Variants in PRRC2B observed in about 807,000 individuals in gnomAD.
PRRC2B encodes proline rich coiled-coil 2B, also known as protein PRRC2B.
In PRRC2B, 68 loss-of-function variants were observed where a neutral mutation model predicts 242.3. The observed-to-expected ratio is 0.28, with a 90% CI of 0.23 to 0.34. The LOEUF is 0.34. Among genes scored for constraint, PRRC2B ranks in the 10% least tolerant of loss-of-function variants. The pLI, the probability that PRRC2B is intolerant of heterozygous loss-of-function variation, is 1.00. For synonymous variants in PRRC2B, 1,228 were observed against 1,173.6 expected (o/e 1.05, Z -0.95); for missense variants, 2,835 against 2,954.8 (o/e 0.96, Z 0.94).
At chr9:131,465,764 C>CTG (rs1943379202) in intron 12 of PRRC2B, among the ~76,000 whole-genome samples, 1 of 152,068 alleles carries the variant, frequency 6.6e-6, no homozygotes, top group Non-Finnish European at 1.5e-5. Flanking sequence ...GAGTCTCTTT[C>CTG]TGTCACCCAG....
intron 29 of PRRC2B, 36 bp downstream of exon 29, chr9:131,491,616 G>T: frequency 6.4e-7 from 1 of 1,553,854 alleles, no homozygotes; most frequent in East Asian, 2.3e-5. Flanking sequence ...CCCTAGGGAG[G>T]GGGCCTTGTG....
chr9:131,383,135 C>G (rs146091756), intron 1 of PRRC2B, among the ~76,000 whole-genome samples: 1 of 152,316 alleles, frequency 6.6e-6, no homozygotes, highest in East Asian at 1.9e-4. Context: ...CCTTTAAGGC[C>G]TGGCCTCAAA....
At chr9:131,493,429 C>T (rs898093036) in intron 30 of PRRC2B, among the ~76,000 whole-genome samples, 8 of 152,366 alleles carry the variant, frequency 5.3e-5, no homozygotes, top group South Asian at 4.1e-4. Context: ...TCTCAGCAGA[C>T]GCTGTCCCGC....
intron 1 of PRRC2B, among the ~76,000 whole-genome samples, chr9:131,378,737 T>C (rs1378016761): frequency 6.6e-6 from 1 of 152,168 alleles, no homozygotes; most frequent in Non-Finnish European, 1.5e-5. Flanking sequence ...TTTTTTTAAT[T>C]GAGATACAGT....
chr9:131,440,236 A>G (rs1486194699), intron 5 of PRRC2B, among the ~76,000 whole-genome samples: 1 of 152,178 alleles, frequency 6.6e-6, no homozygotes, highest in Non-Finnish European at 1.5e-5. Flanking sequence ...TGCTTTATGA[A>G]GAGCATTCAC....
rs150028710 is a variant in PRRC2B, at chr9:131,447,600, G to T, written c.978-62G>T. On this transcript the variant is annotated intron_variant, in intron 8 of 31. Coordinates refer to ENST00000683519, the MANE Select transcript of PRRC2B (RefSeq NM_013318.4). ...GCAGTGTGGAATTTATTTTTGGAAA[G>T]GTATTTGATTTTGCTTCCGTCTGTA... 4.3e-4 allele frequency: 612 copies of T among 1,413,422 alleles called. 12 individuals are homozygous for T. The East Asian group carries it at 0.015, about 34-fold the overall frequency. The allele number at this position is 1,413,422 out of a possible 1,614,324, so 87.6% of individuals were successfully genotyped here. A position where few individuals can be genotyped will look rare whatever the true frequency, so the allele number is the denominator to read the frequency against.
At chr9:131,435,964 T>C (rs1271216591) in intron 3 of PRRC2B, among the ~76,000 whole-genome samples, 1 of 152,228 alleles carries the variant, frequency 6.6e-6, no homozygotes, top group East Asian at 1.9e-4. Context: ...TGTTCTGTGT[T>C]ACCTAGTTTT....
At chr9:131,484,855 GAGGA>G in intron 24 of PRRC2B, 65 bp downstream of exon 24, 2 of 1,563,124 alleles carry the variant, frequency 1.3e-6, no homozygotes, top group Non-Finnish European at 1.7e-6. Flanking sequence ...AGGCAGAAGG[GAGGA>G]GTCCCCGAAC....
intron 6 of PRRC2B, 89 bp downstream of exon 6, chr9:131,444,417 C>A: frequency 7.1e-7 from 1 of 1,410,232 alleles, no homozygotes. Context: ...GCTGATGCCA[C>A]TGGGGTCTCC....
In PRRC2B at chr9:131,475,140, A is replaced by C. The variant is rs1000238293; in HGVS notation, c.3011A>C (p.Glu1004Ala). The change falls in exon 16 of 32, where the codon GAG becomes GCG. Residue 1004 changes from glutamate (E) to alanine (A), a missense_variant. Glu to Ala is a moderately radical substitution (Grantham distance 107). This residue lies in a region of PRRC2B where 1,536 missense variants were observed against 1,483.1 expected (regional missense o/e 1.04). Transcript: ENST00000683519. ...GCCAACTCCTCCACCACCACTTTGG[A>C]GGACAAAGGCCCTGGCCATGCCACT... Reference protein sequence around the residue: ...SLANSSTTTLEDKGPGHATFG... With the variant: ...SLANSSTTTLADKGPGHATFG... 10 of 1,612,964 alleles carry C rather than the reference A, an allele frequency of 6.2e-6. No homozygotes were observed. Among genetic ancestry groups the C allele is most frequent in the East Asian group, 2.2e-5 (1 of 44,852 alleles).
At chr9:131,445,648 G>A (rs537353829) in intron 6 of PRRC2B, among the ~76,000 whole-genome samples, 23 of 152,264 alleles carry the variant, frequency 1.5e-4, no homozygotes, top group Non-Finnish European at 3.1e-4. Context: ...ACAGCAAAGG[G>A]GTTGAAGAGC....
intron 1 of PRRC2B, among the ~76,000 whole-genome samples, chr9:131,398,362 G>A (rs577069842): frequency 1.3e-5 from 2 of 152,354 alleles, no homozygotes; most frequent in South Asian, 4.1e-4. Flanking sequence ...CTTCGTCCGA[G>A]CTGAAGTGCA....
At chr9:131,406,831 A>C (rs942853466) in intron 1 of PRRC2B, among the ~76,000 whole-genome samples, 10 of 152,074 alleles carry the variant, frequency 6.6e-5, no homozygotes, top group African/African-American at 2.2e-4. Context: ...TACAAACATC[A>C]AGCTCCAGAA....
chr9:131,395,269 AT>A lies in PRRC2B; in HGVS notation c.-52+1016del, dbSNP rs1013319513. On this transcript the variant is annotated intron_variant, in intron 1 of 31. Transcript: ENST00000683519. ...ACAGGACTGTTAAACTTTCCCTAAG[AT>A]TTTTTTTTTCTTTAAGGTTTAGTGT... is the stretch of plus-strand genomic sequence containing the variant. Among the ~76,000 whole-genome samples, 7 of 149,344 alleles carry A rather than the reference AT, an allele frequency of 4.7e-5. No homozygotes were observed. In the East Asian group the frequency reaches 5.9e-4, roughly 13 times the overall value.
At chr9:131,417,799 C>T (rs1327766415) in intron 1 of PRRC2B, among the ~76,000 whole-genome samples, 1 of 152,116 alleles carries the variant, frequency 6.6e-6, no homozygotes, top group East Asian at 1.9e-4. Flanking sequence ...GATGTGTGTG[C>T]GTGGAGATGC....
intron 23 of PRRC2B, 34 bp from the exon 24 acceptor site, chr9:131,484,652 T>C: frequency 6.5e-7 from 1 of 1,546,806 alleles, no homozygotes; most frequent in Non-Finnish European, 8.8e-7. Flanking sequence ...CTGCACCTGT[T>C]TGTGTTCCAT....
At chr9:131,422,475 G>C (rs1221155126) in intron 1 of PRRC2B, among the ~76,000 whole-genome samples, 1 of 152,190 alleles carries the variant, frequency 6.6e-6, no homozygotes, top group South Asian at 2.1e-4. Context: ...GGCTTAGCAG[G>C]GTGCCTGGCC....
At position 131,476,320 on chromosome 9, in the gene PRRC2B, C is replaced by T. The variant is rs774931092; in HGVS notation, c.4191C>T (p.Pro1397=). The change falls in exon 16 of 32, where the codon CCC becomes CCT. Residue 1397 remains proline, a synonymous_variant. Coordinates refer to ENST00000683519, the MANE Select transcript of PRRC2B (RefSeq NM_013318.4). ...GGCGGGAAGGCCCTGGGTCCGAGCC[C>T]GACTCCCAGGTGGATGGTGGCCTGT... The part of the protein sequence containing the change: ...RERREGPGSE[P]DSQVDGGLSG... The T allele has an allele frequency of 3.5e-5, 55 of 1,580,062 alleles. No individual in the cohort carries two copies. Among genetic ancestry groups the T allele is most frequent in the South Asian group, 4.6e-5 (4 of 87,158 alleles).
rs192163878 is a variant in PRRC2B at position 131,436,881 on chromosome 9, T to C, written c.396+159T>C. Among the ~76,000 whole-genome samples, 13 of 152,240 alleles carry C rather than the reference T, an allele frequency of 8.5e-5. No individual in the cohort carries two copies. The East Asian group carries it at 1.2e-3, about 14-fold the overall frequency. Reference sequence around the variant, plus strand: ...GATGAGTGACTTTAGAAAACCGTCATGGGAAACCGTCAAGGTCAGTGGTTA... The same window carrying C: ...GATGAGTGACTTTAGAAAACCGTCACGGGAAACCGTCAAGGTCAGTGGTTA... On this transcript the variant is annotated intron_variant, in intron 4 of 31. Transcript: ENST00000683519.
Sources: allele counts gnomAD v4.1 joint callset (sites outside exome capture counted in the v4.1 genomes callset), GRCh38; gene constraint gnomAD v4.1.1; regional missense constraint gnomAD v4.1.1; transcripts MANE v1.5; gene names NCBI Gene and HGNC (gene_info 2026-07-23, HGNC 2026-07-21).